The following PPP2R2C variants were observed in gnomAD, a reference collection of about 807,000 sequenced individuals.
PPP2R2C encodes the protein protein phosphatase 2 regulatory subunit Bgamma, also known as protein phosphatase 2, regulatory subunit B, gamma.
Under a neutral mutation model 45.3 loss-of-function variants are expected in PPP2R2C, and 10 were observed. That is an observed-to-expected ratio of 0.22 (90% confidence interval 0.14 to 0.37). The LOEUF (loss-of-function observed/expected upper bound fraction) is 0.37, where lower values mean the gene tolerates loss of function less well. Ranked by LOEUF, PPP2R2C falls within the 10% of genes least tolerant of loss-of-function variation. The pLI is 1.00. For synonymous variants in PPP2R2C, 257 were observed against 245.4 expected (o/e 1.05, Z -0.44); for missense variants, 308 against 619.7 (o/e 0.50, Z 5.34).
rs550951918 is a variant in PPP2R2C at position 6,558,238 on chromosome 4, G to A, written c.-59+5322C>T. 1.3e-4 allele frequency among the ~76,000 whole-genome samples: 20 copies of A among 152,366 alleles called. 1 individual carries two copies. Among genetic ancestry groups the A allele is most frequent in the African/African-American group, 4.8e-4 (20 of 41,584 alleles). ...TGCAGCAAGTTCTCCATAAGTGCCA[G>A]CTAAGAAGATTAACACTACTCTCAG... On this transcript the variant is annotated intron_variant, in intron 1 of 9. Coordinates refer to the PPP2R2C transcript ENST00000506140.
intron 6 of PPP2R2C, among the ~76,000 whole-genome samples, chr4:6,335,166 C>CCACT (rs1055862004): frequency 2.0e-5 from 3 of 152,202 alleles, no homozygotes; most frequent in African/African-American, 7.2e-5. Flanking sequence ...CAGCATAAAG[C>CCACT]CACTGTTCCT....
intron 5 of PPP2R2C, among the ~76,000 whole-genome samples, chr4:6,361,375 G>A (rs1713715808): frequency 6.6e-6 from 1 of 152,234 alleles, no homozygotes; most frequent in African/African-American, 2.4e-5. Context: ...AAGGAAGAAA[G>A]TCCTGACTTC....
chr4:6,438,003 GTT>G, intron 1 of PPP2R2C, among the ~76,000 whole-genome samples: 1 of 152,190 alleles, frequency 6.6e-6, no homozygotes, highest in Non-Finnish European at 1.5e-5. Context: ...CTTACTTTCA[GTT>G]TTACCAGGTT....
intron 1 of PPP2R2C, chr4:6,421,239 C>T (rs2109392769): frequency 1.7e-6 from 1 of 596,174 alleles, no homozygotes; most frequent in Non-Finnish European, 2.1e-6. Context: ...GGAGTCAGGG[C>T]TGTGCATTCA....
chr4:6,446,307 C>T (rs1429689143), intron 1 of PPP2R2C, among the ~76,000 whole-genome samples: 1 of 152,172 alleles, frequency 6.6e-6, no homozygotes, highest in Non-Finnish European at 1.5e-5. Flanking sequence ...ACACCAAGCA[C>T]AATTTGACTT....
chr4:6,546,108 T>C (rs1004895440), intron 1 of PPP2R2C, among the ~76,000 whole-genome samples: 1 of 152,228 alleles, frequency 6.6e-6, no homozygotes, highest in Non-Finnish European at 1.5e-5. Flanking sequence ...TTAGCATCAA[T>C]GGTGCACTGG....
At chr4:6,544,169 G>T (rs951169199) in intron 1 of PPP2R2C, among the ~76,000 whole-genome samples, 1 of 152,206 alleles carries the variant, frequency 6.6e-6, no homozygotes, top group African/African-American at 2.4e-5. Flanking sequence ...AGACAGTGGA[G>T]CCTGGTTCCT....
chr4:6,326,020 G>T (rs1246048899), intron 8 of PPP2R2C, among the ~76,000 whole-genome samples: 1 of 152,206 alleles, frequency 6.6e-6, no homozygotes, highest in Non-Finnish European at 1.5e-5. Context: ...CTATCCCTGT[G>T]AGCGGTCAAT....
At chr4:6,367,168 A>T (rs1714395968) in intron 5 of PPP2R2C, among the ~76,000 whole-genome samples, 1 of 151,786 alleles carries the variant, frequency 6.6e-6, no homozygotes, top group Non-Finnish European at 1.5e-5. Context: ...ATGTCCTCTG[A>T]GTCACCTTTC....
chr4:6,365,413 G>A (rs1055407546), intron 5 of PPP2R2C, among the ~76,000 whole-genome samples: 2 of 152,236 alleles, frequency 1.3e-5, no homozygotes, highest in Non-Finnish European at 2.9e-5. Context: ...TGGGTCATGT[G>A]CTGGTGAGGG....
At chr4:6,516,653 T>C (rs1376176833) in intron 2 of PPP2R2C, among the ~76,000 whole-genome samples, 3 of 152,370 alleles carry the variant, frequency 2.0e-5, no homozygotes, top group South Asian at 4.1e-4. Context: ...GCATGGACCC[T>C]GCAGCGAGTT....
chr4:6,432,473 T>C lies in PPP2R2C; in HGVS notation c.70+39687A>G, dbSNP rs184456585. 3.4e-3 allele frequency among the ~76,000 whole-genome samples: 525 copies of C among 152,220 alleles called. 1 individual carries two copies. Among genetic ancestry groups the C allele is most frequent in the Non-Finnish European group, 6.2e-3 (422 of 68,018 alleles). The stretch of plus-strand genomic sequence containing the variant: ...CCTCGTTTCCCCCTCTCCCCTCTAC[T>C]CCAGCACCTTCAACAACCTGGAATT... On this transcript the variant is annotated intron_variant, in intron 1 of 8. Transcript: ENST00000382599.
intron 2 of PPP2R2C, among the ~76,000 whole-genome samples, chr4:6,494,303 G>A (rs1245414308): frequency 6.6e-6 from 1 of 152,218 alleles, no homozygotes; most frequent in Non-Finnish European, 1.5e-5. Context: ...CTGGTCCGCT[G>A]GGTGGGTTAA....
intron 1 of PPP2R2C, among the ~76,000 whole-genome samples, chr4:6,436,464 A>G (rs1052920211): frequency 3.9e-5 from 6 of 152,340 alleles, no homozygotes; most frequent in Non-Finnish European, 7.3e-5. Context: ...TCCAGAAGCT[A>G]TGGTTCCATC....
intron 1 of PPP2R2C, among the ~76,000 whole-genome samples, chr4:6,444,985 G>C (rs907480832): frequency 1.1e-4 from 17 of 152,222 alleles, no homozygotes; most frequent in Non-Finnish European, 2.4e-4. Flanking sequence ...AGGGGTTCCA[G>C]ATCAGTCTGG....
At chr4:6,542,770 A>C (rs1724845812) in intron 1 of PPP2R2C, among the ~76,000 whole-genome samples, 2 of 152,140 alleles carry the variant, frequency 1.3e-5, no homozygotes, top group South Asian at 4.1e-4. Context: ...GAAACAGATA[A>C]ATTTCTAGAA....
At chr4:6,523,802 A>G (rs1236019406) in intron 2 of PPP2R2C, among the ~76,000 whole-genome samples, 2 of 152,208 alleles carry the variant, frequency 1.3e-5, no homozygotes, top group Non-Finnish European at 2.9e-5. Context: ...TGGCCAAACA[A>G]TGGAAACACC....
chr4:6,477,037 T>G (rs1446313906), upstream of PPP2R2C, among the ~76,000 whole-genome samples: 3 of 151,900 alleles, frequency 2.0e-5, no homozygotes, highest in Non-Finnish European at 4.4e-5. Flanking sequence ...GCAGATTGCT[T>G]GAGCCCAGGA....
At chr4:6,465,730 C>T (rs1721560093) in intron 1 of PPP2R2C, among the ~76,000 whole-genome samples, 1 of 151,772 alleles carries the variant, frequency 6.6e-6, no homozygotes, top group Non-Finnish European at 1.5e-5. Flanking sequence ...ATTTTAAATG[C>T]AAACATAAGA....
Sources: allele counts gnomAD v4.1 joint callset (sites outside exome capture counted in the v4.1 genomes callset), GRCh38; gene constraint gnomAD v4.1.1; transcripts MANE v1.5; gene names NCBI Gene and HGNC (gene_info 2026-07-23, HGNC 2026-07-21).